MAL2: variants seen among roughly 807,000 people sequenced by gnomAD.
The protein encoded by MAL2 is protein MAL2.
In MAL2, 17 loss-of-function variants were observed where a neutral mutation model predicts 18.1. The ratio of observed to expected loss-of-function variants is 0.94; its 90% CI spans 0.64 to 1.41. The LOEUF (loss-of-function observed/expected upper bound fraction) is 1.41. MAL2 is among the 40% of genes most tolerant of loss of function. The probability of loss-of-function intolerance (pLI) is 0.00; values close to 1 mark genes in which losing one functional copy is unlikely to be tolerated. For missense variants in MAL2, 222 were observed against 231.9 expected, an observed-to-expected ratio of 0.96 and a Z score of 0.28; for synonymous variants, 102 against 102.3, an observed-to-expected ratio of 1.00 and a Z score of 0.02.
Position 119,217,072 on chromosome 8 carries a change from G to C in MAL2, c.133-4515G>C, listed in dbSNP as rs961503853. On this transcript the variant is annotated intron_variant, in intron 1 of 3. Transcript: ENST00000614891. Reference sequence around the variant, plus strand: ...ATTGCAAGAGTTGCTACTTGCTCAAGAGCATGTTTTCCCGTGGGACTATGT... The same window carrying C: ...ATTGCAAGAGTTGCTACTTGCTCAACAGCATGTTTTCCCGTGGGACTATGT... 1.2e-4 allele frequency among the ~76,000 whole-genome samples: 18 copies of C among 152,332 alleles called. 1 individual carries two copies. The Middle Eastern group carries it at 0.01, about 86-fold the overall frequency.
chr8:119,211,696 ATTT>A (rs370258084), intron 1 of MAL2, among the ~76,000 whole-genome samples: 9,577 of 135,516 alleles, frequency 0.071, 910 homozygotes, highest in African/African-American at 0.22. Context: ...GTGCATAGTG[ATTT>A]TTTTTTTTTT....
chr8:119,239,704 G>T (rs1254760483), intron 2 of MAL2, among the ~76,000 whole-genome samples: 1 of 151,498 alleles, frequency 6.6e-6, no homozygotes, highest in Non-Finnish European at 1.5e-5. Context: ...CTCACTCATA[G>T]GTGGGAATTG....
Position 119,221,646 on chromosome 8 carries a change from A to G in MAL2, c.192A>G (p.Leu64=), listed in dbSNP as rs745715418. The change falls in exon 2 of 4, where the codon CTA becomes CTG. Residue 64 remains leucine (L), a synonymous_variant. Coordinates refer to ENST00000614891, the MANE Select transcript of MAL2 (RefSeq NM_052886.3). ...CCTCCAATGTTCCTCTACCTCTACTACAAGGATGGGTCATGTTTGTGTCCG... is the reference window on the plus strand; with the variant it reads ...CCTCCAATGTTCCTCTACCTCTACTGCAAGGATGGGTCATGTTTGTGTCCG... ...VASSNVPLPL[L]QGWVMFVSVT... 3 of 1,613,798 alleles carry G rather than the reference A, an allele frequency of 1.9e-6. No individual in the cohort carries two copies. Among genetic ancestry groups the G allele is most frequent in the Non-Finnish European group, 2.5e-6 (3 of 1,179,820 alleles).
chr8:119,223,807 T>G (rs1485543753), intron 2 of MAL2: 1 of 152,160 alleles, frequency 6.6e-6, no homozygotes, highest in Admixed American at 6.5e-5. Flanking sequence ...TGGGTCTTTT[T>G]TTTATTATTA....
At chr8:119,222,585 T>C (rs1029775290) in intron 2 of MAL2, among the ~76,000 whole-genome samples, 2 of 151,542 alleles carry the variant, frequency 1.3e-5, no homozygotes, top group African/African-American at 2.4e-5. Flanking sequence ...CCCAGGACTT[T>C]GGGAAGCTGA....
At chr8:119,231,570 A>G (rs1817729731) in intron 2 of MAL2, among the ~76,000 whole-genome samples, 1 of 152,194 alleles carries the variant, frequency 6.6e-6, no homozygotes, top group Non-Finnish European at 1.5e-5. Context: ...TAGAACTACC[A>G]TATGATCTAG....
chr8:119,243,393 G>A, intron 3 of MAL2, 24 bp from the exon 4 acceptor site: 1 of 1,553,908 alleles, frequency 6.4e-7, no homozygotes, highest in Non-Finnish European at 8.7e-7. Context: ...AATCTGATGT[G>A]AATTTTTGTT....
chr8:119,233,973 G>C (rs1466691647), intron 2 of MAL2, among the ~76,000 whole-genome samples: 1 of 152,136 alleles, frequency 6.6e-6, no homozygotes, highest in Non-Finnish European at 1.5e-5. Flanking sequence ...GGCCGAATAG[G>C]AACAGCTCCA....
At chr8:119,210,905 C>T (rs545029171) in intron 1 of MAL2, among the ~76,000 whole-genome samples, 14 of 152,168 alleles carry the variant, frequency 9.2e-5, no homozygotes, top group African/African-American at 3.1e-4. Context: ...TGAAAAATGA[C>T]CAAAATGTTC....
chr8:119,214,282 T>A (rs886082739), intron 1 of MAL2, among the ~76,000 whole-genome samples: 2 of 152,222 alleles, frequency 1.3e-5, no homozygotes, highest in Non-Finnish European at 2.9e-5. Flanking sequence ...TGGGAGTAGA[T>A]GCCCTCTTAA....
In MAL2 at chr8:119,240,147, T is replaced by A; in HGVS notation, c.304-18T>A. 1 of 1,610,154 alleles carries A rather than the reference T, an allele frequency of 6.2e-7. No homozygotes were observed. The highest frequency in any genetic ancestry group is 8.5e-7 in the Non-Finnish European group (1 of 1,177,922). On this transcript the variant is annotated intron_variant, in intron 2 of 3. Transcript: ENST00000614891. ...ATATTTTTTTTTAATTGCAGATGTC[T>A]TTTCTCTCCTCTTTTAGGATTTTGC... is the stretch of plus-strand genomic sequence containing the variant.
chr8:119,213,659 A>G (rs151098980), intron 1 of MAL2, among the ~76,000 whole-genome samples: 11,965 of 152,088 alleles, frequency 0.079, 1,376 homozygotes, highest in African/African-American at 0.25. Context: ...ATCTCTACTA[A>G]AAATACAAAA....
intron 2 of MAL2, among the ~76,000 whole-genome samples, chr8:119,233,548 C>G (rs930038331): frequency 6.6e-6 from 1 of 152,158 alleles, no homozygotes; most frequent in African/African-American, 2.4e-5. Flanking sequence ...CTACAAACAC[C>G]TCTATGCAAA....
chr8:119,240,067 A>G (rs1818013708), intron 2 of MAL2, 98 bp from the exon 3 acceptor site: 1 of 1,244,086 alleles, frequency 8.0e-7, no homozygotes, highest in African/African-American at 1.5e-5. Context: ...TGTTTAATTA[A>G]ATGTTTTGAT....
At chr8:119,242,634 A>T (rs1023086178) in intron 3 of MAL2, among the ~76,000 whole-genome samples, 2 of 152,218 alleles carry the variant, frequency 1.3e-5, no homozygotes, top group Non-Finnish European at 2.9e-5. Flanking sequence ...AAAGAAAAGC[A>T]GAATAGTAAA....
At chr8:119,233,688 C>T (rs1315702787) in intron 2 of MAL2, among the ~76,000 whole-genome samples, 1,832 of 151,440 alleles carry the variant, frequency 0.012, 35 homozygotes, top group African/African-American at 0.043. Flanking sequence ...TAATCAATAG[C>T]TTACCAACCA....
intron 3 of MAL2, 72 bp from the exon 4 acceptor site, chr8:119,243,345 G>T: frequency 8.7e-7 from 1 of 1,153,098 alleles, no homozygotes. Context: ...ACTTCATATG[G>T]TTGTTCTTTA....
chr8:119,235,221 G>A (rs1379728347), intron 2 of MAL2, among the ~76,000 whole-genome samples: 1 of 152,138 alleles, frequency 6.6e-6, no homozygotes, highest in Non-Finnish European at 1.5e-5. Flanking sequence ...AATAGAAGAT[G>A]AAATGAAGCG....
intron 2 of MAL2, among the ~76,000 whole-genome samples, chr8:119,233,412 A>C (rs1006126193): frequency 2.0e-5 from 3 of 152,186 alleles, no homozygotes; most frequent in African/African-American, 7.2e-5. Context: ...AGGATCAACA[A>C]AATTGATAGA....
Sources: gnomAD v4.1 joint callset for allele counts (sites outside exome capture counted in the v4.1 genomes callset) on GRCh38, gnomAD v4.1.1 for gene constraint, MANE v1.5 for transcripts, NCBI Gene and HGNC (gene_info 2026-07-23, HGNC 2026-07-21) for gene names.